The following SUPT3H variants were observed in gnomAD, a reference collection of about 807,000 sequenced individuals.
SUPT3H encodes the protein SPT3 homolog, SAGA and STAGA complex component.
In SUPT3H, 44 loss-of-function variants were observed where a neutral mutation model predicts 44.3. The observed-to-expected ratio is 0.99, with a 90% CI of 0.78 to 1.28. The LOEUF (loss-of-function observed/expected upper bound fraction) is 1.28, where lower values mean the gene tolerates loss of function less well. Ranked by LOEUF, SUPT3H falls within the 50% of genes most tolerant of loss-of-function variation. The pLI, the probability that SUPT3H is intolerant of heterozygous loss-of-function variation, is 0.00. For missense variants in SUPT3H, 380 were observed against 387.1 expected, an observed-to-expected ratio of 0.98 and a Z score of 0.15; for synonymous variants, 124 against 125.6, an observed-to-expected ratio of 0.99 and a Z score of 0.09.
At chr6:44,991,965 T>C (rs1780678376) in intron 6 of SUPT3H, among the ~76,000 whole-genome samples, 1 of 152,162 alleles carries the variant, frequency 6.6e-6, no homozygotes, top group African/African-American at 2.4e-5. Flanking sequence ...TCTGCCCACC[T>C]ACTGTGGGGA....
intron 10 of SUPT3H, among the ~76,000 whole-genome samples, chr6:44,872,617 CATA>C (rs1437295185): frequency 1.4e-5 from 2 of 148,108 alleles, no homozygotes; most frequent in East Asian, 2.0e-4. Flanking sequence ...CAGCTAACAT[CATA>C]ATGACAGGAT....
At chr6:45,128,557 TACACACACACACACACACACACAC>T (rs1173091186) in intron 2 of SUPT3H, among the ~76,000 whole-genome samples, 1 of 56,724 alleles carries the variant, frequency 1.8e-5, no homozygotes, top group Non-Finnish European at 3.1e-5. Context: ...TATATATATA[TACACACACACACACACACACACAC>T]ACATACACAT....
chr6:45,373,757 T>C (rs755884418), intron 1 of SUPT3H, among the ~76,000 whole-genome samples: 1 of 152,178 alleles, frequency 6.6e-6, no homozygotes, highest in Non-Finnish European at 1.5e-5. Context: ...TTCGCCATGT[T>C]GGCCAGTCTG....
intron 2 of SUPT3H, among the ~76,000 whole-genome samples, chr6:45,293,081 T>C (rs1034748962): frequency 6.6e-6 from 1 of 152,052 alleles, no homozygotes; most frequent in Non-Finnish European, 1.5e-5. Context: ...GACCACACAA[T>C]GGGGCACAAA....
chr6:45,286,472 C>T (rs368216265), intron 2 of SUPT3H, among the ~76,000 whole-genome samples: 5 of 152,122 alleles, frequency 3.3e-5, no homozygotes, highest in East Asian at 1.9e-4. Context: ...ATTTATGCAA[C>T]CAAAAGACAC....
rs1224875879 is a variant in SUPT3H at position 45,003,800 on chromosome 6, A to C, written c.365-8T>G. ...TGCTGCCACTCAATTTGTCTTCATG[A>C]AGTCAAGGGAAAGAAAAAAAGAAAT... On this transcript the variant is annotated splice_region_variant and splice_polypyrimidine_tract_variant and intron_variant, in intron 5 of 10. Coordinates refer to ENST00000371459, the MANE Select transcript of SUPT3H (RefSeq NM_003599.4). 3.1e-6 allele frequency: 5 copies of C among 1,612,848 alleles called. No individual in the cohort carries two copies. Among genetic ancestry groups the C allele is most frequent in the Non-Finnish European group, 2.5e-6 (3 of 1,179,584 alleles).
chr6:45,178,591 C>A (rs1385108294), intron 2 of SUPT3H, among the ~76,000 whole-genome samples: 2 of 151,968 alleles, frequency 1.3e-5, no homozygotes, highest in Non-Finnish European at 2.9e-5. Flanking sequence ...GAACTCTCCA[C>A]CCCAAATCAA....
intron 2 of SUPT3H, among the ~76,000 whole-genome samples, chr6:45,245,830 TTC>T (rs778151811): frequency 1.7e-4 from 26 of 152,260 alleles, no homozygotes; most frequent in Non-Finnish European, 3.4e-4. Flanking sequence ...CATGTGGTAA[TTC>T]TGTTTAATTT....
chr6:45,356,721 G>A (rs1391374789), intron 2 of SUPT3H, among the ~76,000 whole-genome samples: 1 of 151,768 alleles, frequency 6.6e-6, no homozygotes, highest in African/African-American at 2.4e-5. Context: ...TCATTTCTTT[G>A]GCTGTAATGT....
intron 2 of SUPT3H, among the ~76,000 whole-genome samples, chr6:45,269,778 T>C (rs1393125746): frequency 6.6e-6 from 1 of 152,222 alleles, no homozygotes; most frequent in African/African-American, 2.4e-5. Flanking sequence ...TTTATTGAGA[T>C]ATAACTCACA....
In SUPT3H at chr6:45,286,331, T is replaced by G. The variant is rs1299707886; in HGVS notation, c.101+78870A>C. On this transcript the variant is annotated intron_variant, in intron 2 of 10. Transcript: ENST00000371459. The stretch of plus-strand genomic sequence containing the variant: ...GGCAACCTACAGAATGGGAAAAAAT[T>G]TTTGCAATCTACTCATCTGACAAAG... Among the ~76,000 whole-genome samples the G allele has an allele frequency of 2.6e-5, 4 of 152,190 alleles. No homozygotes were observed. The East Asian group carries it at 7.7e-4, about 29-fold the overall frequency.
intron 3 of SUPT3H, among the ~76,000 whole-genome samples, chr6:45,094,853 T>G (rs1184049947): frequency 6.6e-6 from 1 of 152,148 alleles, no homozygotes; most frequent in Non-Finnish European, 1.5e-5. Context: ...ACTTCATTTT[T>G]ACTTAAGAAG....
At chr6:44,970,466 T>C (rs16872990) in intron 6 of SUPT3H, among the ~76,000 whole-genome samples, 1,854 of 152,310 alleles carry the variant, frequency 0.012, 49 homozygotes, top group African/African-American at 0.042. Flanking sequence ...AATAACTCGG[T>C]TGGCAAATAA....
intron 2 of SUPT3H, among the ~76,000 whole-genome samples, chr6:45,319,581 C>T (rs1785169998): frequency 6.6e-6 from 1 of 152,058 alleles, no homozygotes; most frequent in Non-Finnish European, 1.5e-5. Context: ...AATAAAAATA[C>T]ATAAAATATT....
intron 6 of SUPT3H, among the ~76,000 whole-genome samples, chr6:44,987,666 G>C (rs1183292039): frequency 2.0e-5 from 3 of 151,974 alleles, no homozygotes; most frequent in Non-Finnish European, 4.4e-5. Context: ...AATGAGAGCA[G>C]AAAAATATAG....
chr6:45,109,974 C>T (rs1799812451), intron 2 of SUPT3H, among the ~76,000 whole-genome samples: 1 of 152,118 alleles, frequency 6.6e-6, no homozygotes, highest in Admixed American at 6.5e-5. Flanking sequence ...ACCAGTACTG[C>T]CTGACTACCG....
chr6:45,316,394 CTAAA>C (rs1784707533), intron 2 of SUPT3H, among the ~76,000 whole-genome samples: 1 of 108,142 alleles, frequency 9.2e-6, no homozygotes, highest in Non-Finnish European at 1.8e-5. Flanking sequence ...GCTGTAAATA[CTAAA>C]TAACTCCTAT....
At chr6:44,966,663 A>G (rs1440728474) in intron 6 of SUPT3H, among the ~76,000 whole-genome samples, 1 of 152,148 alleles carries the variant, frequency 6.6e-6, no homozygotes, top group African/African-American at 2.4e-5. Context: ...ACTTGTAATG[A>G]AGGTTGTACT....
At chr6:44,898,843 C>T (rs906114574) in intron 10 of SUPT3H, 1 of 152,284 alleles carries the variant, frequency 6.6e-6, no homozygotes, top group African/African-American at 2.4e-5. Context: ...GCATGAGCTG[C>T]TCCATGACTA....
Sources: gnomAD v4.1 joint callset for allele counts (sites outside exome capture counted in the v4.1 genomes callset) on GRCh38, gnomAD v4.1.1 for gene constraint, MANE v1.5 for transcripts, NCBI Gene and HGNC (gene_info 2026-07-23, HGNC 2026-07-21) for gene names.